DTNBP1: variants seen among roughly 807,000 people sequenced by gnomAD.
The protein encoded by DTNBP1 is dystrobrevin binding protein 1, also known as dysbindin.
A neutral mutation model predicts 42.8 loss-of-function variants in DTNBP1; 35 were observed. That is an observed-to-expected ratio of 0.82 (90% CI 0.63 to 1.09). DTNBP1 has a LOEUF of 1.09. Among genes scored for constraint, DTNBP1 ranks in the 50% least tolerant of loss-of-function variants. The probability of loss-of-function intolerance (pLI) is 0.00; values close to 1 mark genes in which losing one functional copy is unlikely to be tolerated. For missense variants in DTNBP1, 457 were observed against 424.2 expected (o/e 1.08, Z -0.68); for synonymous variants, 171 against 162.2 (o/e 1.05, Z -0.41).
At chr6:15,563,491 T>C (rs1774932168) in intron 7 of DTNBP1, among the ~76,000 whole-genome samples, 1 of 152,250 alleles carries the variant, frequency 6.6e-6, no homozygotes, top group African/African-American at 2.4e-5. Flanking sequence ...TATAACCTAA[T>C]GCCACATAAC....
At chr6:15,591,627 G>A (rs984449959) in intron 7 of DTNBP1, among the ~76,000 whole-genome samples, 5 of 151,968 alleles carry the variant, frequency 3.3e-5, no homozygotes, top group South Asian at 2.1e-4. Context: ...TTATTCTATC[G>A]GGTAATATAC....
intron 4 of DTNBP1, among the ~76,000 whole-genome samples, chr6:15,634,326 T>A (rs146519404): frequency 6.6e-6 from 1 of 152,288 alleles, no homozygotes; most frequent in Non-Finnish European, 1.5e-5. Flanking sequence ...TTTCTACTAG[T>A]TTAGAAGATA....
chr6:15,630,684 G>A (rs1205573284), intron 4 of DTNBP1, among the ~76,000 whole-genome samples: 3 of 152,338 alleles, frequency 2.0e-5, no homozygotes, highest in South Asian at 4.1e-4. Flanking sequence ...TTGGGAGGCT[G>A]AGGCTGGCGG....
intron 6 of DTNBP1, among the ~76,000 whole-genome samples, chr6:15,612,293 T>C (rs1431813977): frequency 2.6e-5 from 4 of 152,180 alleles, no homozygotes; most frequent in Admixed American, 2.0e-4. Flanking sequence ...TAAGACATAA[T>C]GCTAGTGCAC....
intron 7 of DTNBP1, among the ~76,000 whole-genome samples, chr6:15,534,628 C>G (rs984028176): frequency 7.0e-6 from 1 of 143,054 alleles, no homozygotes; most frequent in Admixed American, 7.3e-5. Context: ...CCACTGCACT[C>G]CAGCCTGGGA....
Position 15,522,957 on chromosome 6 carries a change from CAACG to C in DTNBP1, c.*14_*17del, listed in dbSNP as rs775025182. The C allele has an allele frequency of 8.7e-6, 14 of 1,614,096 alleles. No individual in the cohort carries two copies. The highest frequency in any genetic ancestry group is 1.1e-5 in the Non-Finnish European group (13 of 1,180,052). On this transcript the variant is annotated 3_prime_UTR_variant, in exon 10 of 10. Coordinates refer to ENST00000344537, the MANE Select transcript of DTNBP1 (RefSeq NM_032122.5). Reference sequence around the variant, plus strand: ...AAAACTGGATTCCAGTGTGGCCAGACAACGCCCATGTCCCAATTTAAGAGTCGCT... The same window carrying C: ...AAAACTGGATTCCAGTGTGGCCAGACCCCATGTCCCAATTTAAGAGTCGCT...
intron 7 of DTNBP1, among the ~76,000 whole-genome samples, chr6:15,569,679 C>T (rs1160668633): frequency 6.6e-6 from 1 of 152,158 alleles, no homozygotes; most frequent in African/African-American, 2.4e-5. Flanking sequence ...CGCCACATTC[C>T]AGCCACAGAG....
chr6:15,647,125 G>A (rs1468586585), intron 3 of DTNBP1, among the ~76,000 whole-genome samples: 2 of 151,838 alleles, frequency 1.3e-5, no homozygotes, highest in East Asian at 3.9e-4. Flanking sequence ...CTAATATCCA[G>A]AATCTATAAG....
intron 5 of DTNBP1, among the ~76,000 whole-genome samples, chr6:15,618,511 AC>A (rs1758845909): frequency 1.3e-5 from 2 of 149,998 alleles, no homozygotes; most frequent in South Asian, 4.3e-4. Context: ...AAGCACATGT[AC>A]CCCCTTACCC....
Position 15,643,097 on chromosome 6 carries a change from T to C in DTNBP1, c.162-5293A>G, listed in dbSNP as rs368174528. Among the ~76,000 whole-genome samples, 20 of 152,306 alleles carry C rather than the reference T, an allele frequency of 1.3e-4. No individual in the cohort carries two copies. In the East Asian group the frequency reaches 2.7e-3, roughly 21 times the overall value. ...CTGATTCAGCACATGATAGACAAGA[T>C]AGCTATATTACGAGAGAAACAAATA... On this transcript the variant is annotated intron_variant, in intron 3 of 9. Coordinates refer to ENST00000344537, the MANE Select transcript of DTNBP1 (RefSeq NM_032122.5).
At chr6:15,557,603 T>C (rs1459954069) in intron 7 of DTNBP1, among the ~76,000 whole-genome samples, 1 of 152,168 alleles carries the variant, frequency 6.6e-6, no homozygotes, top group African/African-American at 2.4e-5. Flanking sequence ...ACATTCATAG[T>C]ACACAAATAC....
intron 7 of DTNBP1, among the ~76,000 whole-genome samples, chr6:15,559,929 C>A (rs1409025537): frequency 6.6e-6 from 1 of 152,146 alleles, no homozygotes; most frequent in Non-Finnish European, 1.5e-5. Context: ...TGTCAAATCC[C>A]AAAGCATGGA....
intron 7 of DTNBP1, 139 bp downstream of exon 7, chr6:15,592,920 A>G: frequency 1.1e-6 from 1 of 890,750 alleles, no homozygotes; most frequent in South Asian, 1.8e-5. Flanking sequence ...ATTAAGCAAA[A>G]CCTACAAAAA....
chr6:15,525,635 G>A (rs907033423), intron 8 of DTNBP1, among the ~76,000 whole-genome samples: 1 of 152,192 alleles, frequency 6.6e-6, no homozygotes, highest in Non-Finnish European at 1.5e-5. Context: ...TAATGACTAG[G>A]TAGAAGAGAC....
intron 6 of DTNBP1, among the ~76,000 whole-genome samples, chr6:15,601,952 C>T (rs1277015851): frequency 6.6e-6 from 1 of 151,866 alleles, no homozygotes; most frequent in East Asian, 1.9e-4. Flanking sequence ...GAAAATGTCC[C>T]TCTTTGAAAT....
chr6:15,560,293 G>A (rs1402410068), intron 7 of DTNBP1, among the ~76,000 whole-genome samples: 12 of 151,214 alleles, frequency 7.9e-5, no homozygotes, highest in Non-Finnish European at 1.3e-4. Flanking sequence ...GCAACGGAGC[G>A]AGACTGTCTC....
At chr6:15,637,461 A>G (rs1450479277) in intron 4 of DTNBP1, among the ~76,000 whole-genome samples, 1 of 152,236 alleles carries the variant, frequency 6.6e-6, no homozygotes, top group Non-Finnish European at 1.5e-5. Flanking sequence ...TTGCAAATTC[A>G]TCAGACTAAA....
chr6:15,594,422 A>G (rs1203989337), intron 6 of DTNBP1, among the ~76,000 whole-genome samples: 1 of 151,298 alleles, frequency 6.6e-6, no homozygotes, highest in Non-Finnish European at 1.5e-5. Flanking sequence ...CCAAGATCGT[A>G]CCACTGCACT....
At chr6:15,585,555 A>T (rs1321603360) in intron 7 of DTNBP1, among the ~76,000 whole-genome samples, 2 of 152,234 alleles carry the variant, frequency 1.3e-5, no homozygotes, top group Non-Finnish European at 2.9e-5. Flanking sequence ...ATGCTCTCAT[A>T]AAAATGTACT....
Sources: allele counts gnomAD v4.1 joint callset (sites outside exome capture counted in the v4.1 genomes callset), GRCh38; gene constraint gnomAD v4.1.1; transcripts MANE v1.5; gene names NCBI Gene and HGNC (gene_info 2026-07-23, HGNC 2026-07-21).